Variants in IQGAP2 observed in about 807,000 individuals in gnomAD.
IQGAP2 encodes ras GTPase-activating-like protein IQGAP2.
In IQGAP2, 173 loss-of-function variants were observed where a neutral mutation model predicts 201.3. The ratio of observed to expected loss-of-function variants is 0.86; its 90% CI spans 0.76 to 0.98. The LOEUF (loss-of-function observed/expected upper bound fraction) is 0.98, where lower values mean the gene tolerates loss of function less well. IQGAP2 is among the 50% of genes least tolerant of loss of function. The pLI, the probability that IQGAP2 is intolerant of heterozygous loss-of-function variation, is 0.00. For missense variants in IQGAP2, 1,687 were observed against 1,864.8 expected (o/e 0.90, Z 1.76); for synonymous variants, 675 against 673.9 (o/e 1.00, Z -0.03).
chr5:76,437,679 A>G (rs1426773594), intron 1 of IQGAP2, among the ~76,000 whole-genome samples: 1 of 152,120 alleles, frequency 6.6e-6, no homozygotes, highest in African/African-American at 2.4e-5. Flanking sequence ...TTCCAGCTCC[A>G]TCCATGTCCC....
In IQGAP2 at chr5:76,403,710, C is replaced by A. The variant is rs1377709815; in HGVS notation, c.46+119C>A. 7.4e-6 allele frequency: 6 copies of A among 805,660 alleles called. No homozygotes were observed. Among genetic ancestry groups the A allele is most frequent in the South Asian group, 2.5e-5 (1 of 40,762 alleles). 49.9% of individuals were successfully genotyped at this position (805,660 alleles called of 1,614,324 possible). A position where few individuals can be genotyped will look rare whatever the true frequency, so the allele number is the denominator to read the frequency against. ...CGCAGAGGAAATTGGAAGGCAGCAA[C>A]TGCGCGGCTGGCAAAGTTGGGAGCT... On this transcript the variant is annotated intron_variant, in intron 1 of 35. Transcript: ENST00000274364. This position sits in a 1 kb window ranked among gnomAD's most constrained non-coding sequence, Gnocchi z 4.8.
chr5:76,602,062 C>T (rs555956908), intron 11 of IQGAP2, among the ~76,000 whole-genome samples: 8 of 152,266 alleles, frequency 5.3e-5, no homozygotes, highest in Non-Finnish European at 1.2e-4. Flanking sequence ...TGCCCTCAGC[C>T]GGGCACCCTC....
chr5:76,689,246 A>AAAAAAAAAAC (rs1746058604), intron 30 of IQGAP2, among the ~76,000 whole-genome samples: 2 of 149,640 alleles, frequency 1.3e-5, no homozygotes, highest in Admixed American at 6.6e-5. Context: ...AAAAAAAAAA[A>AAAAAAAAAAC]AAAAAAAAAA....
intron 21 of IQGAP2, among the ~76,000 whole-genome samples, chr5:76,659,683 GA>G (rs1339890805): frequency 6.6e-6 from 1 of 152,168 alleles, no homozygotes. Context: ...CATGCAAGGT[GA>G]GGGCAATTAT....
rs559885433 is a variant in IQGAP2 at position 76,658,934 on chromosome 5, A to G, written c.2529+267A>G. On this transcript the variant is annotated intron_variant, in intron 21 of 35. Transcript: ENST00000274364. ...GAATACTGCAGGCAATTGTAACACA[A>G]TTGTAAGTATTTGTGTATCTAAACA... Among the ~76,000 whole-genome samples, 5 of 152,306 alleles carry G rather than the reference A, an allele frequency of 3.3e-5. No homozygotes were observed. The East Asian group carries it at 7.7e-4, about 24-fold the overall frequency.
intron 9 of IQGAP2, among the ~76,000 whole-genome samples, chr5:76,593,274 C>T (rs776278211): frequency 4.6e-5 from 7 of 152,136 alleles, no homozygotes; most frequent in Non-Finnish European, 8.8e-5. Context: ...CATGATTATG[C>T]GATGATGTTC....
chr5:76,577,732 G>C (rs1745564741), intron 5 of IQGAP2, among the ~76,000 whole-genome samples: 1 of 152,192 alleles, frequency 6.6e-6, no homozygotes, highest in Non-Finnish European at 1.5e-5. Context: ...GAAAGCTGAG[G>C]AACAATCCTC....
chr5:76,688,806 C>T (rs929403131), intron 30 of IQGAP2, among the ~76,000 whole-genome samples: 9 of 152,064 alleles, frequency 5.9e-5, no homozygotes, highest in Non-Finnish European at 1.3e-4. Context: ...GTAATATTCT[C>T]AGCAACCCCA....
chr5:76,447,394 A>C (rs1753455759), intron 1 of IQGAP2, among the ~76,000 whole-genome samples: 1 of 152,216 alleles, frequency 6.6e-6, no homozygotes. Flanking sequence ...AAACCTGGGC[A>C]TTCAAGCCGG....
At chr5:76,605,626 C>G (rs1305126220) in intron 11 of IQGAP2, among the ~76,000 whole-genome samples, 1 of 152,168 alleles carries the variant, frequency 6.6e-6, no homozygotes, top group African/African-American at 2.4e-5. Context: ...TGCTACTCAG[C>G]AAGGTTTCTG....
chr5:76,532,594 C>T (rs1348043086), intron 2 of IQGAP2, among the ~76,000 whole-genome samples: 2 of 152,120 alleles, frequency 1.3e-5, no homozygotes, highest in African/African-American at 2.4e-5. Flanking sequence ...TCATGGGGTG[C>T]TCATGAGGGT....
intron 22 of IQGAP2, 137 bp from the exon 23 acceptor site, chr5:76,668,544 A>G: frequency 3.1e-6 from 2 of 650,876 alleles, no homozygotes; most frequent in South Asian, 2.1e-5. Flanking sequence ...AAATTATTTT[A>G]TATACTCATC....
In IQGAP2 at chr5:76,654,993, C is replaced by T. The variant is rs768535993; in HGVS notation, c.2310C>T (p.Tyr770=). Residue 770 remains tyrosine, a synonymous_variant, in exon 20 of 36, where the codon TAC becomes TAT. Transcript: ENST00000274364. ...LLRANKARDD[Y]KTLVGSENPP... ...GAGCGAACAAAGCTAGAGATGACTA[C>T]AAAACATTGGGTAAGTGAGAGCTTT... 13 of 1,609,616 alleles carry T rather than the reference C, an allele frequency of 8.1e-6. No individual in the cohort carries two copies. Among genetic ancestry groups the T allele is most frequent in the Middle Eastern group, 1.6e-4 (1 of 6,072 alleles).
chr5:76,444,398 A>G (rs966999977), intron 1 of IQGAP2, among the ~76,000 whole-genome samples: 3 of 152,168 alleles, frequency 2.0e-5, no homozygotes, highest in Non-Finnish European at 4.4e-5. Context: ...TCCTGGATTC[A>G]AGTGAATCTC....
intron 1 of IQGAP2, among the ~76,000 whole-genome samples, chr5:76,441,797 TC>T (rs1753056532): frequency 6.6e-6 from 1 of 152,046 alleles, no homozygotes; most frequent in Non-Finnish European, 1.5e-5. Flanking sequence ...GAATGAGAAA[TC>T]CCCCTGTGCC....
chr5:76,497,913 G>A lies in IQGAP2; in HGVS notation c.146+36244G>A, dbSNP rs540566113. 7.9e-5 allele frequency among the ~76,000 whole-genome samples: 12 copies of A among 152,270 alleles called. No homozygotes were observed. In the South Asian group the frequency reaches 2.5e-3, roughly 32 times the overall value. ...CACAGGTGTACTGGCCACCACCTAT[G>A]GCCCTTGAAGTGGGGAGAGGTTGGT... On this transcript the variant is annotated intron_variant, in intron 2 of 35. Coordinates refer to ENST00000274364, the MANE Select transcript of IQGAP2 (RefSeq NM_006633.5).
Position 76,478,406 on chromosome 5 carries a change from A to C in IQGAP2, c.146+16737A>C, listed in dbSNP as rs548371241. 2.2e-4 allele frequency among the ~76,000 whole-genome samples: 34 copies of C among 152,292 alleles called. No individual in the cohort carries two copies. In the South Asian group the frequency reaches 3.7e-3, roughly 17 times the overall value. ...ACAGTGAGACTCCGCCTCAAGAAAA[A>C]AAATAATTTAGCATACCCTAAGTGT... is the stretch of plus-strand genomic sequence containing the variant. On this transcript the variant is annotated intron_variant, in intron 2 of 35. Transcript: ENST00000274364.
At chr5:76,640,605 C>G (rs1580696298) in intron 16 of IQGAP2, among the ~76,000 whole-genome samples, 1 of 152,178 alleles carries the variant, frequency 6.6e-6, no homozygotes, top group South Asian at 2.1e-4. Context: ...GTTTTTACAG[C>G]AAGCATCCTT....
chr5:76,612,798 G>A (rs1411704701), intron 13 of IQGAP2, among the ~76,000 whole-genome samples: 1 of 152,106 alleles, frequency 6.6e-6, no homozygotes. Flanking sequence ...TATTTCTGGA[G>A]GGAGGATACC....
Sources: gnomAD v4.1 joint callset for allele counts (sites outside exome capture counted in the v4.1 genomes callset) on GRCh38, gnomAD v4.1.1 for gene constraint, Gnocchi (gnomAD v3.1) non-coding constraint, MANE v1.5 for transcripts, NCBI Gene and HGNC (gene_info 2026-07-23, HGNC 2026-07-21) for gene names.